FOCAD: variants seen among roughly 807,000 people sequenced by gnomAD.
The protein encoded by FOCAD is KIAA1797.
In FOCAD, 198 loss-of-function variants were observed where a neutral mutation model predicts 225.6. That is an observed-to-expected ratio of 0.88 (90% confidence interval 0.78 to 0.99). FOCAD has a LOEUF of 0.99. Ranked by LOEUF, FOCAD falls within the 50% of genes least tolerant of loss-of-function variation. The probability of loss-of-function intolerance (pLI) is 0.00; values close to 1 mark genes in which losing one functional copy is unlikely to be tolerated. For missense variants in FOCAD, 2,713 were observed against 2,123.6 expected (o/e 1.28, Z -5.46); for synonymous variants, 897 against 755.0 (o/e 1.19, Z -3.08).
intron 26 of FOCAD, 109 bp from the exon 27 acceptor site, chr9:20,929,249 G>A (rs1378799587): frequency 2.6e-6 from 2 of 781,818 alleles, no homozygotes; most frequent in East Asian, 2.5e-5. Context: ...TTGGGTGTCG[G>A]CCGGGGTGGA....
chr9:20,660,497 C>G lies in FOCAD; in HGVS notation c.-78+1671C>G, dbSNP rs868077408. On this transcript the variant is annotated intron_variant, in intron 2 of 45. Coordinates refer to the FOCAD transcript ENST00000380249. ...TAAAATTATGGAAAAATATTCAGAT[C>G]CCTTAGAAAGAAGATTTCTATAGGG... is the stretch of plus-strand genomic sequence containing the variant. Among the ~76,000 whole-genome samples, 5 of 150,098 alleles carry G rather than the reference C, an allele frequency of 3.3e-5. No homozygotes were observed. In the South Asian group the frequency reaches 1.0e-3, roughly 31 times the overall value.
intron 4 of FOCAD, among the ~76,000 whole-genome samples, chr9:20,736,849 T>C (rs907623353): frequency 6.6e-6 from 1 of 152,012 alleles, no homozygotes; most frequent in African/African-American, 2.4e-5. Flanking sequence ...TTAATTCAAA[T>C]TGAAGTAGGG....
intron 15 of FOCAD, among the ~76,000 whole-genome samples, chr9:20,858,842 A>ACTGG (rs143514632): frequency 6.6e-6 from 1 of 151,274 alleles, no homozygotes; most frequent in Non-Finnish European, 1.5e-5. Context: ...TTCTTCATTG[A>ACTGG]CTGGTCTTTC....
chr9:20,867,035 T>A, intron 18 of FOCAD, 23 bp downstream of exon 18: 1 of 1,477,726 alleles, frequency 6.8e-7, no homozygotes, highest in Non-Finnish European at 9.3e-7. Context: ...GCTTTCTCAC[T>A]GGTATTTCTT....
intron 5 of FOCAD, among the ~76,000 whole-genome samples, chr9:20,752,390 TC>T (rs1466325623): frequency 9.2e-5 from 14 of 151,904 alleles, no homozygotes; most frequent in African/African-American, 3.4e-4. Context: ...TAGCCAGTTT[TC>T]CCAGCACCAT....
intron 14 of FOCAD, among the ~76,000 whole-genome samples, chr9:20,821,713 A>G (rs946842265): frequency 2.0e-5 from 3 of 151,992 alleles, no homozygotes; most frequent in African/African-American, 7.2e-5. Flanking sequence ...TACAGAAGAA[A>G]TGGACTTGAT....
At chr9:20,664,709 C>G (rs1821844400) in intron 2 of FOCAD, among the ~76,000 whole-genome samples, 1 of 150,246 alleles carries the variant, frequency 6.7e-6, no homozygotes, top group Non-Finnish European at 1.5e-5. Context: ...AAACTCCTGG[C>G]CTCAAGCAAT....
rs1278316046 is a variant in FOCAD at position 20,926,295 on chromosome 9, C to A, written c.2962-6C>A. 4.7e-6 allele frequency: 7 copies of A among 1,497,066 alleles called. No homozygotes were observed. The highest frequency in any genetic ancestry group is 1.4e-5 in the African/African-American group (1 of 72,440). The allele number at this position is 1,497,066 out of a possible 1,614,324, so 92.7% of individuals were successfully genotyped here. A position where few individuals can be genotyped will look rare whatever the true frequency, so the allele number is the denominator to read the frequency against. On this transcript the variant is annotated splice_polypyrimidine_tract_variant and splice_region_variant and intron_variant, in intron 25 of 43. Coordinates refer to ENST00000338382, the MANE Select transcript of FOCAD (RefSeq NM_001375567.1). ...TAATCATTTCATGTTTTTAATTCAT[C>A]TGCAGGTTCAACCTAATTTCCTTTC...
chr9:20,957,998 A>G (rs866294993), intron 35 of FOCAD, among the ~76,000 whole-genome samples: 2 of 152,262 alleles, frequency 1.3e-5, no homozygotes, highest in Middle Eastern at 3.4e-3. Context: ...GCAAAAATAT[A>G]AAACATAGAG....
At chr9:20,942,810 A>T (rs775098548) in intron 28 of FOCAD, among the ~76,000 whole-genome samples, 1 of 152,186 alleles carries the variant, frequency 6.6e-6, no homozygotes, top group Non-Finnish European at 1.5e-5. Flanking sequence ...CAATACCCCA[A>T]ATAATTTTCA....
chr9:20,817,137 C>G (rs922795029), intron 11 of FOCAD, among the ~76,000 whole-genome samples: 1 of 152,082 alleles, frequency 6.6e-6, no homozygotes. Flanking sequence ...TTTGTGCTAT[C>G]AAGTAAGTGC....
chr9:20,828,835 T>A, intron 15 of FOCAD, among the ~76,000 whole-genome samples: 1 of 152,114 alleles, frequency 6.6e-6, no homozygotes. Flanking sequence ...CCCCTCCCTG[T>A]GTCCATGTGT....
chr9:20,957,525 A>C (rs1037458583), intron 35 of FOCAD: 4 of 107,574 alleles, frequency 3.7e-5, no homozygotes, highest in African/African-American at 1.5e-4. Context: ...CCCAGGCTAG[A>C]GTGCAGTGGC....
At chr9:20,762,376 A>G (rs1057115295) in intron 6 of FOCAD, among the ~76,000 whole-genome samples, 2 of 152,214 alleles carry the variant, frequency 1.3e-5, no homozygotes, top group East Asian at 1.9e-4. Flanking sequence ...TATAGATTGT[A>G]TAAGTATTTG....
intron 4 of FOCAD, among the ~76,000 whole-genome samples, chr9:20,723,748 G>GA (rs569926660): frequency 1.3e-5 from 2 of 152,126 alleles, no homozygotes; most frequent in Non-Finnish European, 2.9e-5. Context: ...CATTTTCAGT[G>GA]AAAAAATATA....
intron 15 of FOCAD, among the ~76,000 whole-genome samples, chr9:20,854,166 T>C (rs1394366865): frequency 6.6e-6 from 1 of 151,744 alleles, no homozygotes; most frequent in Non-Finnish European, 1.5e-5. Flanking sequence ...GAGTAGGCTG[T>C]TCTCAGGAAT....
At chr9:20,903,877 C>G (rs1832744807) in intron 21 of FOCAD, among the ~76,000 whole-genome samples, 1 of 151,906 alleles carries the variant, frequency 6.6e-6, no homozygotes, top group South Asian at 2.1e-4. Flanking sequence ...CTTTCATGTA[C>G]CCATGAAACA....
At chr9:20,798,743 T>G (rs1269734783) in intron 11 of FOCAD, among the ~76,000 whole-genome samples, 1 of 152,188 alleles carries the variant, frequency 6.6e-6, no homozygotes, top group Non-Finnish European at 1.5e-5. Flanking sequence ...TCTCTTTTCT[T>G]CTTTATTAAT....
intron 35 of FOCAD, among the ~76,000 whole-genome samples, chr9:20,953,523 T>G (rs1338276365): frequency 6.6e-6 from 1 of 152,222 alleles, no homozygotes; most frequent in African/African-American, 2.4e-5. Context: ...GTTTGTGTTC[T>G]TTTCCTTGCA....
Sources: gnomAD v4.1 joint callset for allele counts (sites outside exome capture counted in the v4.1 genomes callset) on GRCh38, gnomAD v4.1.1 for gene constraint, MANE v1.5 for transcripts, NCBI Gene and HGNC (gene_info 2026-07-23, HGNC 2026-07-21) for gene names.